The following TRAPPC8 variants were observed in gnomAD, a reference collection of about 807,000 sequenced individuals.
TRAPPC8 encodes the protein trafficking protein particle complex subunit 8, also known as general sporulation gene 1 homolog.
TRAPPC8 carries 54 observed loss-of-function variants against 174.3 expected under a neutral mutation model. That is an observed-to-expected ratio of 0.31 (90% CI 0.25 to 0.39). TRAPPC8 has a LOEUF of 0.39. Ranked by LOEUF, TRAPPC8 falls within the 10% of genes least tolerant of loss-of-function variation. The probability of loss-of-function intolerance (pLI) is 1.00; values close to 1 mark genes in which losing one functional copy is unlikely to be tolerated. For missense variants in TRAPPC8, 1,531 were observed against 1,699.1 expected (o/e 0.90, Z 1.74); for synonymous variants, 630 against 579.9 (o/e 1.09, Z -1.24).
chr18:31,891,423 T>C (rs1317744839), intron 11 of TRAPPC8, among the ~76,000 whole-genome samples: 2 of 152,196 alleles, frequency 1.3e-5, no homozygotes, highest in Non-Finnish European at 2.9e-5. Flanking sequence ...ATTAAAAAGT[T>C]CACAATGCTT....
At position 31,852,608 on chromosome 18, in the gene TRAPPC8, A is replaced by C; in HGVS notation, c.3489T>G (p.Cys1163Trp). ...KGKFCFKAIR[C>W]EKEEAATQSS... ...AAGTGAATTTACCTTCTTCTTTCTC[A>C]CATCTTATTGCCTTAAAGCAAAACT... The change falls in exon 23 of 29, where the codon TGT becomes TGG. Residue 1163 changes from cysteine (C) to tryptophan (W), a missense_variant. By Grantham distance (215) the Cys-to-Trp change is radical. Coordinates refer to ENST00000283351, the MANE Select transcript of TRAPPC8 (RefSeq NM_014939.5). 6.2e-7 allele frequency: 1 copy of C among 1,614,084 alleles called. No homozygotes were observed. The highest frequency in any genetic ancestry group is 8.5e-7 in the Non-Finnish European group (1 of 1,180,000).
chr18:31,856,883 C>G (rs990884229), intron 20 of TRAPPC8, among the ~76,000 whole-genome samples: 8 of 143,792 alleles, frequency 5.6e-5, no homozygotes, highest in Admixed American at 4.3e-4. Flanking sequence ...ATAATCACGG[C>G]TCTCTGTAGT....
At position 31,899,077 on chromosome 18, in the gene TRAPPC8, A is replaced by C. The variant is rs73411524; in HGVS notation, c.1491-1186T>G. The stretch of plus-strand genomic sequence containing the variant: ...AATCACACCTTTTCTTGGAGGTTAG[A>C]TATTTATGAATACCTAAGACTGTTT... On this transcript the variant is annotated intron_variant, in intron 10 of 28. Transcript: ENST00000283351. Among the ~76,000 whole-genome samples the C allele has an allele frequency of 5.1e-3, 778 of 152,314 alleles. 8 individuals carry two copies. The highest frequency in any genetic ancestry group is 0.018 in the African/African-American group (753 of 41,576).
intron 12 of TRAPPC8, among the ~76,000 whole-genome samples, chr18:31,875,336 A>G (rs902909753): frequency 1.3e-5 from 2 of 148,988 alleles, no homozygotes; most frequent in African/African-American, 4.9e-5. Flanking sequence ...ATATAGTAGT[A>G]TATATAATAA....
chr18:31,840,427 G>T (rs1346936552), intron 26 of TRAPPC8, among the ~76,000 whole-genome samples: 2 of 152,096 alleles, frequency 1.3e-5, no homozygotes, highest in African/African-American at 4.8e-5. Context: ...GAGAGAGAAA[G>T]ATGAAAGTAG....
intron 2 of TRAPPC8, among the ~76,000 whole-genome samples, chr18:31,919,803 G>A (rs187512513): frequency 6.6e-6 from 1 of 152,014 alleles, no homozygotes; most frequent in Admixed American, 6.6e-5. Flanking sequence ...CAAGGCTGCA[G>A]TTAGATGAGA....
chr18:31,939,758 G>A (rs1219238680), intron 1 of TRAPPC8: 2 of 152,286 alleles, frequency 1.3e-5, no homozygotes, highest in Non-Finnish European at 2.9e-5. Flanking sequence ...GGGAGGCTGA[G>A]ACAAGAGGAT....
chr18:31,834,063 T>C (rs1016316060), intron 27 of TRAPPC8, among the ~76,000 whole-genome samples: 2 of 149,746 alleles, frequency 1.3e-5, no homozygotes, highest in East Asian at 2.0e-4. Flanking sequence ...CTAATACTAA[T>C]GCTCCTGGTC....
chr18:31,933,877 A>G (rs988439593), intron 1 of TRAPPC8, among the ~76,000 whole-genome samples: 2 of 152,172 alleles, frequency 1.3e-5, no homozygotes, highest in African/African-American at 4.8e-5. Flanking sequence ...TGTAAACATA[A>G]ATATAGATAC....
At chr18:31,890,552 T>C (rs1262541619) in intron 12 of TRAPPC8, among the ~76,000 whole-genome samples, 183 bp downstream of exon 12, 1 of 152,088 alleles carries the variant, frequency 6.6e-6, no homozygotes, top group Non-Finnish European at 1.5e-5. Context: ...TTGACCAAAG[T>C]TGTGAGTAGA....
At chr18:31,890,050 C>T (rs1374891732) in intron 12 of TRAPPC8, among the ~76,000 whole-genome samples, 1 of 152,164 alleles carries the variant, frequency 6.6e-6, no homozygotes, top group Non-Finnish European at 1.5e-5. Context: ...AGACGTAAGA[C>T]CATGTTGACT....
chr18:31,836,005 C>G (rs2032693963), intron 27 of TRAPPC8, among the ~76,000 whole-genome samples: 1 of 152,114 alleles, frequency 6.6e-6, no homozygotes, highest in Admixed American at 6.5e-5. Context: ...ACAGCTTCGG[C>G]CAAATTATCA....
rs772555809 is a variant in TRAPPC8 at position 31,867,489 on chromosome 18, T to G, written c.2389-13A>C. On this transcript the variant is annotated splice_polypyrimidine_tract_variant and intron_variant, in intron 16 of 28. Transcript: ENST00000283351. ...GTTCACTTGTAACCTAAAAAATAAA[T>G]TTCATAAATTATACATTCCAATGAA... The G allele has an allele frequency of 6.5e-7, 1 of 1,550,326 alleles. No individual in the cohort carries two copies. Among genetic ancestry groups the G allele is most frequent in the East Asian group, 2.3e-5 (1 of 44,376 alleles).
chr18:31,905,326 T>C (rs1024672453), intron 9 of TRAPPC8, among the ~76,000 whole-genome samples: 3 of 152,164 alleles, frequency 2.0e-5, no homozygotes, highest in Non-Finnish European at 4.4e-5. Flanking sequence ...GAAAAAGCCC[T>C]GAGCTCAGCT....
intron 20 of TRAPPC8, among the ~76,000 whole-genome samples, chr18:31,857,169 CT>C (rs1198152362): frequency 1.3e-5 from 2 of 152,026 alleles, no homozygotes; most frequent in Admixed American, 1.3e-4. Flanking sequence ...AAACAATTTT[CT>C]TAAAAAAGGA....
intron 12 of TRAPPC8, among the ~76,000 whole-genome samples, chr18:31,878,344 T>C (rs2035264412): frequency 6.6e-6 from 1 of 152,156 alleles, no homozygotes; most frequent in African/African-American, 2.4e-5. Flanking sequence ...TTACCCTTTT[T>C]AATGACAAAT....
intron 2 of TRAPPC8, among the ~76,000 whole-genome samples, chr18:31,925,482 A>G (rs1324411448): frequency 6.6e-6 from 1 of 152,184 alleles, no homozygotes; most frequent in Non-Finnish European, 1.5e-5. Flanking sequence ...AGACAGAGAT[A>G]GACAATTTTA....
chr18:31,923,378 A>G (rs964092596), intron 2 of TRAPPC8, among the ~76,000 whole-genome samples: 3 of 152,122 alleles, frequency 2.0e-5, no homozygotes, highest in African/African-American at 7.2e-5. Context: ...CAGACTTTCA[A>G]CTCCATCAAT....
chr18:31,893,406 C>T (rs1008154117), intron 11 of TRAPPC8, among the ~76,000 whole-genome samples: 51 of 147,632 alleles, frequency 3.5e-4, no homozygotes, highest in African/African-American at 1.0e-3. Flanking sequence ...TGTGTGTGCG[C>T]GCGCGCGTGT....
Sources: gnomAD v4.1 joint callset for allele counts (sites outside exome capture counted in the v4.1 genomes callset) on GRCh38, gnomAD v4.1.1 for gene constraint, MANE v1.5 for transcripts, NCBI Gene and HGNC (gene_info 2026-07-23, HGNC 2026-07-21) for gene names.